The following N4BP2L1 variants were observed in gnomAD, a reference collection of about 807,000 sequenced individuals.
The protein encoded by N4BP2L1 is NEDD4-binding protein 2-like 1.
A neutral mutation model predicts 21.2 loss-of-function variants in N4BP2L1; 12 were observed. That is an observed-to-expected ratio of 0.57 (90% CI 0.36 to 0.92). N4BP2L1 has a LOEUF of 0.92. Ranked by LOEUF, N4BP2L1 falls within the 40% of genes least tolerant of loss-of-function variation. N4BP2L1 has a pLI of 0.01. For synonymous variants in N4BP2L1, 104 were observed against 112.8 expected (o/e 0.92, Z 0.49); for missense variants, 259 against 310.6 (o/e 0.83, Z 1.25).
chr13:32,407,600 T>C (rs780200741), intron 2 of N4BP2L1, 45 bp downstream of exon 2: 1 of 1,609,188 alleles, frequency 6.2e-7, no homozygotes, highest in African/African-American at 1.3e-5. Flanking sequence ...CTACAATCTA[T>C]GTGCACATCA....
At chr13:32,414,523 A>T (rs1342486546) in intron 1 of N4BP2L1, among the ~76,000 whole-genome samples, 2 of 151,892 alleles carry the variant, frequency 1.3e-5, no homozygotes, top group Non-Finnish European at 2.9e-5. Context: ...TTGCTTTTTA[A>T]TTTTGTTTGT....
rs2073126572 is a variant in N4BP2L1 at position 32,401,491 on chromosome 13, G to C, written c.*1451C>G. 6.6e-6 allele frequency: 1 copy of C among 152,248 alleles called. No individual in the cohort carries two copies. The highest frequency in any genetic ancestry group is 1.9e-4 in the East Asian group (1 of 5,184). 9.4% of individuals were successfully genotyped at this position (152,248 alleles called of 1,614,324 possible). The stretch of plus-strand genomic sequence containing the variant: ...TGGTGTTGGTAGTCATGGAGATGTC[G>C]AGCAGGTTTCAGTAGTGTCAGATAA... On this transcript the variant is annotated 3_prime_UTR_variant, in exon 5 of 5. Coordinates refer to ENST00000380130, the MANE Select transcript of N4BP2L1 (RefSeq NM_052818.3).
upstream of N4BP2L1, chr13:32,428,211 C>T (rs576886099): frequency 4.3e-6 from 4 of 937,764 alleles, no homozygotes; most frequent in African/African-American, 5.1e-5. Context: ...AGCCCAGCCC[C>T]TCCTTTCCAC....
In N4BP2L1 at chr13:32,400,770, CCT is replaced by C. The variant is rs1223062289; in HGVS notation, c.*2170_*2171del. On this transcript the variant is annotated 3_prime_UTR_variant, in exon 5 of 5. Transcript: ENST00000380130. ...TTATTCAGCAATCATTTAATGAGAC[CCT>C]ATTGCCCATAAAGAGCATTTGCCAG... is the stretch of plus-strand genomic sequence containing the variant. The C allele has an allele frequency of 1.3e-5, 2 of 152,002 alleles. No individual in the cohort carries two copies. Among genetic ancestry groups the C allele is most frequent in the East Asian group, 3.9e-4 (2 of 5,190 alleles). 9.4% of individuals were successfully genotyped at this position (152,002 alleles called of 1,614,324 possible).
intron 1 of N4BP2L1, among the ~76,000 whole-genome samples, chr13:32,422,547 C>A (rs2074541519): frequency 6.6e-6 from 1 of 152,204 alleles, no homozygotes; most frequent in Non-Finnish European, 1.5e-5. Flanking sequence ...ATAATCCACA[C>A]CTGCAATATC....
In N4BP2L1 at chr13:32,426,701, A is replaced by G. The variant is rs2074786273; in HGVS notation, c.179+1203T>C. 3.3e-5 allele frequency among the ~76,000 whole-genome samples: 5 copies of G among 152,128 alleles called. No individual in the cohort carries two copies. The South Asian group carries it at 1.0e-3, about 31-fold the overall frequency. On this transcript the variant is annotated intron_variant, in intron 1 of 4. Coordinates refer to ENST00000380130, the MANE Select transcript of N4BP2L1 (RefSeq NM_052818.3). Reference sequence around the variant, plus strand: ...CATGGCTAGCCTTATCTCTCCAGTGAGACGGGAAGCCCTTTGAGGGAAAGG... The same window carrying G: ...CATGGCTAGCCTTATCTCTCCAGTGGGACGGGAAGCCCTTTGAGGGAAAGG...
rs1163094085 is a variant in N4BP2L1, at chr13:32,400,725, A to T, written c.*2217T>A. On this transcript the variant is annotated 3_prime_UTR_variant, in exon 5 of 5. Transcript: ENST00000380130. ...TCAACATACTGCATCATAAGGGATA[A>T]TGGTAAAAATTTGTGTTATTTATTC... The T allele has an allele frequency of 6.6e-6, 1 of 152,226 alleles. No individual in the cohort carries two copies. The highest frequency in any genetic ancestry group is 1.5e-5 in the Non-Finnish European group (1 of 68,044). 9.4% of individuals were successfully genotyped at this position (152,226 alleles called of 1,614,324 possible). A position where few individuals can be genotyped will look rare whatever the true frequency, so the allele number is the denominator to read the frequency against.
chr13:32,416,306 C>T (rs1463230204), intron 1 of N4BP2L1, among the ~76,000 whole-genome samples: 1 of 152,184 alleles, frequency 6.6e-6, no homozygotes, highest in Non-Finnish European at 1.5e-5. Context: ...CCCCATGTTA[C>T]AGACAAAGAA....
chr13:32,427,781 G>A lies in N4BP2L1; in HGVS notation c.179+123C>T, dbSNP rs988651828. ...TTGGGCTGGGGCTGGGGCCGGGGCC[G>A]CGGCAGGCACCCGCGGCGGGGGCGC... On this transcript the variant is annotated intron_variant, in intron 1 of 4. Coordinates refer to ENST00000380130, the MANE Select transcript of N4BP2L1 (RefSeq NM_052818.3). 6.6e-5 allele frequency: 31 copies of A among 470,644 alleles called. No individual in the cohort carries two copies. The Admixed American group carries it at 7.5e-4, about 11-fold the overall frequency. 29.2% of individuals were successfully genotyped at this position (470,644 alleles called of 1,614,324 possible).
chr13:32,404,211 G>A, intron 4 of N4BP2L1, 110 bp downstream of exon 4: 1 of 1,602,264 alleles, frequency 6.2e-7, no homozygotes, highest in African/African-American at 1.3e-5. Context: ...ACCATTTCTG[G>A]CCTGAAAACT....
upstream of N4BP2L1, among the ~76,000 whole-genome samples, chr13:32,428,632 T>C (rs1593341130): frequency 6.6e-6 from 1 of 152,252 alleles, no homozygotes; most frequent in Admixed American, 6.5e-5. Flanking sequence ...CTTTTCTTAT[T>C]TCATCTTTCT....
In N4BP2L1 at chr13:32,428,025, G is replaced by T. The variant is rs777431193; in HGVS notation, c.58C>A (p.Gln20Lys). The change falls in exon 1 of 5, where the codon CAG becomes AAG. Residue 20 changes from glutamine (Q) to lysine (K), a missense_variant. Gln to Lys is a moderately conservative substitution (Grantham distance 53). This residue lies in a region of N4BP2L1 where 60 missense variants were observed against 54.7 expected (regional missense o/e 1.10). Coordinates refer to ENST00000380130, the MANE Select transcript of N4BP2L1 (RefSeq NM_052818.3). The part of the protein sequence containing the change: ...GRLSLQPQQQ[Q>K]QRQRPPRPPP... The stretch of plus-strand genomic sequence containing the variant: ...GGCCGGGGCGGCCGCTGCCGCTGCT[G>T]CTGCTGCTGGGGCTGGAGGCTCAGC... 6.4e-7 allele frequency: 1 copy of T among 1,557,500 alleles called. No homozygotes were observed. The highest frequency in any genetic ancestry group is 1.2e-5 in the South Asian group (1 of 86,020).
chr13:32,405,892 C>CTTTTTTT (rs754694153), intron 3 of N4BP2L1, among the ~76,000 whole-genome samples: 9 of 101,192 alleles, frequency 8.9e-5, no homozygotes, highest in Non-Finnish European at 1.3e-4. Context: ...TTCCTGCCCC[C>CTTTTTTT]TTTTTTTTTT....
At chr13:32,405,739 G>T (rs2073440160) in intron 3 of N4BP2L1, among the ~76,000 whole-genome samples, 1 of 152,052 alleles carries the variant, frequency 6.6e-6, no homozygotes. Context: ...AAGATCATTA[G>T]AGAAAAGCAC....
At chr13:32,403,871 C>T (rs932010719) in intron 4 of N4BP2L1, 2 of 455,780 alleles carry the variant, frequency 4.4e-6, no homozygotes. Context: ...ATATCTGAAC[C>T]CATGCATTCA....
chr13:32,404,634 G>T (rs2073359644), intron 3 of N4BP2L1, among the ~76,000 whole-genome samples: 1 of 149,400 alleles, frequency 6.7e-6, no homozygotes, highest in Non-Finnish European at 1.5e-5. Flanking sequence ...AATTTGTAAA[G>T]GTTCTTTGTT....
intron 1 of N4BP2L1, among the ~76,000 whole-genome samples, chr13:32,416,964 G>T (rs983345222): frequency 6.6e-6 from 1 of 151,894 alleles, no homozygotes; most frequent in African/African-American, 2.4e-5. Context: ...TTACAGGCGC[G>T]TGCCACCACC....
intron 1 of N4BP2L1, 122 bp downstream of exon 1, chr13:32,427,782 C>G: frequency 2.0e-6 from 1 of 495,358 alleles, no homozygotes. Context: ...GCCGGGGCCG[C>G]GGCAGGCACC....
intron 3 of N4BP2L1, among the ~76,000 whole-genome samples, chr13:32,405,316 G>C (rs1207954): frequency 0.78 from 118,498 of 152,044 alleles, 46,503 homozygotes; most frequent in African/African-American, 0.86. Flanking sequence ...TTGAGACCAG[G>C]CTGGCCACCA....
Sources: gnomAD v4.1 joint callset for allele counts (sites outside exome capture counted in the v4.1 genomes callset) on GRCh38, gnomAD v4.1.1 for gene constraint, gnomAD v4.1.1 regional missense constraint, MANE v1.5 for transcripts, NCBI Gene and HGNC (gene_info 2026-07-23, HGNC 2026-07-21) for gene names.